The following KIRREL3 variants were observed in gnomAD, a reference collection of about 807,000 sequenced individuals.
KIRREL3 encodes the protein kirre like nephrin family adhesion molecule 3, also known as kin of IRRE-like protein 3.
In KIRREL3, 36 loss-of-function variants were observed where a neutral mutation model predicts 89.7. That is an observed-to-expected ratio of 0.40 (90% CI 0.31 to 0.53). The LOEUF (loss-of-function observed/expected upper bound fraction) is 0.53, where lower values mean the gene tolerates loss of function less well. KIRREL3 is among the 20% of genes least tolerant of loss of function. The pLI is 0.49. For synonymous variants in KIRREL3, 445 were observed against 441.4 expected (o/e 1.01, Z -0.10); for missense variants, 864 against 1,056.6 (o/e 0.82, Z 2.53).
rs374552602 is a variant in KIRREL3 at position 126,562,939 on chromosome 11, T to G, written c.56-27A>C. On this transcript the variant is annotated intron_variant, in intron 1 of 16. Coordinates refer to ENST00000525144, the MANE Select transcript of KIRREL3 (RefSeq NM_032531.4). The surrounding 1 kb of genome is among the most constrained non-coding windows in gnomAD (Gnocchi z 4.7). ...TGGAAGAGAAGCATAGGTGGGTGAGTTGGGAATGGGAACAGGTCAGGCATT... is the reference window on the plus strand; with the variant it reads ...TGGAAGAGAAGCATAGGTGGGTGAGGTGGGAATGGGAACAGGTCAGGCATT... The G allele has an allele frequency of 6.9e-6, 11 of 1,593,858 alleles. No homozygotes were observed. In the African/African-American group the frequency reaches 1.1e-4, roughly 16 times the overall value.
At position 126,587,105 on chromosome 11, in the gene KIRREL3, C is replaced by G. The variant is rs530888309; in HGVS notation, c.56-24193G>C. Among the ~76,000 whole-genome samples the G allele has an allele frequency of 2.6e-5, 4 of 152,198 alleles. No homozygotes were observed. The highest frequency in any genetic ancestry group is 9.6e-5 in the African/African-American group (4 of 41,528). On this transcript the variant is annotated intron_variant, in intron 1 of 16. Coordinates refer to ENST00000525144, the MANE Select transcript of KIRREL3 (RefSeq NM_032531.4). The surrounding 1 kb of genome is among the most constrained non-coding windows in gnomAD (Gnocchi z 5.2). Reference sequence around the variant, plus strand: ...ACGACGATGCAGTGTGATGGATGCTCCAGTGGAAGAGTCCAGAGCACCGGG... The same window carrying G: ...ACGACGATGCAGTGTGATGGATGCTGCAGTGGAAGAGTCCAGAGCACCGGG...
In KIRREL3 at chr11:126,605,318, G is replaced by A. The variant is rs1942840943; in HGVS notation, c.56-42406C>T. ...CTTAATGTAGAGGATCAGGGTCCCA[G>A]TGAGCAGCTTCATCTTCAGGCGTCG... On this transcript the variant is annotated intron_variant, in intron 1 of 16. Coordinates refer to ENST00000525144, the MANE Select transcript of KIRREL3 (RefSeq NM_032531.4). The surrounding 1 kb of genome is among the most constrained non-coding windows in gnomAD (Gnocchi z 5.7). Among the ~76,000 whole-genome samples, 1 of 152,226 alleles carries A rather than the reference G, an allele frequency of 6.6e-6. No individual in the cohort carries two copies. The highest frequency in any genetic ancestry group is 2.4e-5 in the African/African-American group (1 of 41,456).
intron 1 of KIRREL3, among the ~76,000 whole-genome samples, chr11:126,937,509 T>G (rs952354298): frequency 3.3e-5 from 5 of 152,146 alleles, no homozygotes; most frequent in African/African-American, 1.2e-4. Context: ...CTGGAGGAGC[T>G]TTGGAGAAAG....
intron 9 of KIRREL3, among the ~76,000 whole-genome samples, chr11:126,446,443 C>T (rs565176512): frequency 6.6e-6 from 1 of 150,918 alleles, no homozygotes; most frequent in South Asian, 2.1e-4. Flanking sequence ...GTAGCTGGGA[C>T]TACAGGTGTG....
rs1229419049 is a variant in KIRREL3, at chr11:126,923,210, C to A, written c.55+77245G>T. ...TTCTCTTCTTCTTCTTCTTCTTCTT[C>A]TTCTTCTTCTTCTTCTTCTTCTTCT... is the stretch of plus-strand genomic sequence containing the variant. On this transcript the variant is annotated intron_variant, in intron 1 of 16. Coordinates refer to ENST00000525144, the MANE Select transcript of KIRREL3 (RefSeq NM_032531.4). Among the ~76,000 whole-genome samples the A allele has an allele frequency of 3.1e-4, 5 of 16,242 alleles. 1 individual carries two copies. The highest frequency in any genetic ancestry group is 1.8e-3 in the African/African-American group (5 of 2,740). The allele number at this position is 16,242 out of a possible 152,430, so 10.7% of individuals were successfully genotyped here.
Position 126,519,878 on chromosome 11 carries a change from C to G in KIRREL3, c.433+1437G>C, listed in dbSNP as rs887706901. 5.3e-5 allele frequency among the ~76,000 whole-genome samples: 8 copies of G among 152,206 alleles called. No homozygotes were observed. The highest frequency in any genetic ancestry group is 1.9e-4 in the African/African-American group (8 of 41,456). ...GGGAGAAATGAGAACGGCGCTGCTG[C>G]CTTTAATACCCCAATTACTCCTCGG... is the stretch of plus-strand genomic sequence containing the variant. On this transcript the variant is annotated intron_variant, in intron 4 of 16. Coordinates refer to ENST00000525144, the MANE Select transcript of KIRREL3 (RefSeq NM_032531.4). The surrounding 1 kb of genome is among the most constrained non-coding windows in gnomAD (Gnocchi z 4.3).
chr11:126,645,794 A>T lies in KIRREL3; in HGVS notation c.56-82882T>A, dbSNP rs936086785. On this transcript the variant is annotated intron_variant, in intron 1 of 16. Coordinates refer to ENST00000525144, the MANE Select transcript of KIRREL3 (RefSeq NM_032531.4). This position sits in a 1 kb window ranked among gnomAD's most constrained non-coding sequence, Gnocchi z 4.9. Reference sequence around the variant, plus strand: ...TTGGACCACATTTAATTAAATGCCTACATTACTGCTTCCTCACACACCTTA... The same window carrying T: ...TTGGACCACATTTAATTAAATGCCTTCATTACTGCTTCCTCACACACCTTA... 1.3e-5 allele frequency among the ~76,000 whole-genome samples: 2 copies of T among 152,304 alleles called. No homozygotes were observed.
chr11:126,768,170 A>AATCCATCCATCCATCC lies in KIRREL3; in HGVS notation c.56-205274_56-205259dup, dbSNP rs67640196. Among the ~76,000 whole-genome samples, 1 of 79,948 alleles carries AATCCATCCATCCATCC rather than the reference A, an allele frequency of 1.3e-5. No homozygotes were observed. The allele number at this position is 79,948 out of a possible 152,430, so 52.4% of individuals were successfully genotyped here. Reference sequence around the variant, plus strand: ...CATCCATCCATCCATCCATCCATCCAATCCATCCATCCATCCATCCATCCA... The same window carrying AATCCATCCATCCATCC: ...CATCCATCCATCCATCCATCCATCCAATCCATCCATCCATCCATCCATCCATCCATCCATCCATCCA... On this transcript the variant is annotated intron_variant, in intron 1 of 16. Coordinates refer to ENST00000525144, the MANE Select transcript of KIRREL3 (RefSeq NM_032531.4). This position sits in a 1 kb window ranked among gnomAD's most constrained non-coding sequence, Gnocchi z 4.5.
At position 126,651,132 on chromosome 11, in the gene KIRREL3, T is replaced by A. The variant is rs563128104; in HGVS notation, c.56-88220A>T. Among the ~76,000 whole-genome samples, 1 of 152,302 alleles carries A rather than the reference T, an allele frequency of 6.6e-6. No homozygotes were observed. Among genetic ancestry groups the A allele is most frequent in the East Asian group, 1.9e-4 (1 of 5,182 alleles). ...GGAATTATGGGAGTACAATTCAAGATGATATGTGGGTGGGGACACAGCAAA... is the reference window on the plus strand; with the variant it reads ...GGAATTATGGGAGTACAATTCAAGAAGATATGTGGGTGGGGACACAGCAAA... On this transcript the variant is annotated intron_variant, in intron 1 of 16. Coordinates refer to ENST00000525144, the MANE Select transcript of KIRREL3 (RefSeq NM_032531.4). This position sits in a 1 kb window ranked among gnomAD's most constrained non-coding sequence, Gnocchi z 4.6.
rs920553630 is a variant in KIRREL3, at chr11:126,752,606, C to T, written c.56-189694G>A. 6.6e-6 allele frequency among the ~76,000 whole-genome samples: 1 copy of T among 152,134 alleles called. No homozygotes were observed. The highest frequency in any genetic ancestry group is 2.4e-5 in the African/African-American group (1 of 41,430). ...TCTAAGAATCTATAGTTTAGTGACT[C>T]ATTGGCACTCTAATGACTACTATTC... On this transcript the variant is annotated intron_variant, in intron 1 of 16. Transcript: ENST00000525144. This position sits in a 1 kb window ranked among gnomAD's most constrained non-coding sequence, Gnocchi z 4.8.
At position 126,424,739 on chromosome 11, in the gene KIRREL3, C is replaced by A; in HGVS notation, c.2178G>T (p.Gln726His). The A allele has an allele frequency of 6.2e-7, 1 of 1,614,072 alleles. No individual in the cohort carries two copies. Among genetic ancestry groups the A allele is most frequent in the Non-Finnish European group, 8.5e-7 (1 of 1,179,904 alleles). ...LSDSSSFLDT[Q>H]CDSSVSSSGK... is the part of the protein sequence containing the mutation. ...CGCTGCTGCTGACGCTGCTGTCACACTGCGTGTCCAGGAAGGAGCTGCTGT... is the reference window on the plus strand; with the variant it reads ...CGCTGCTGCTGACGCTGCTGTCACAATGCGTGTCCAGGAAGGAGCTGCTGT... Residue 726 changes from glutamine to histidine, a missense_variant, in exon 17 of 17, where the codon CAG becomes CAT. By Grantham distance (24) the Gln-to-His change is conservative. Transcript: ENST00000525144.
At chr11:126,824,583 A>G (rs1943340585) in intron 1 of KIRREL3, among the ~76,000 whole-genome samples, 1 of 152,258 alleles carries the variant, frequency 6.6e-6, no homozygotes. Context: ...TAATGGGGAA[A>G]GGGACGATGT....
At chr11:126,438,738 T>C (rs1480966320) in intron 11 of KIRREL3, among the ~76,000 whole-genome samples, 1 of 152,254 alleles carries the variant, frequency 6.6e-6, no homozygotes, top group East Asian at 1.9e-4. Flanking sequence ...CTTGCAATTT[T>C]TTTGTGAATC....
chr11:126,502,966 T>G (rs1309894110), intron 4 of KIRREL3, among the ~76,000 whole-genome samples: 2 of 152,218 alleles, frequency 1.3e-5, no homozygotes, highest in African/African-American at 4.8e-5. Flanking sequence ...TCGGCCAAGC[T>G]GATTTCTCCC....
chr11:126,449,249 C>G (rs1955937090), intron 7 of KIRREL3, 92 bp from the exon 8 acceptor site: 2 of 1,462,888 alleles, frequency 1.4e-6, no homozygotes, highest in Non-Finnish European at 9.3e-7. Flanking sequence ...AAAATGAGGC[C>G]TGGGTTGTGT....
intron 3 of KIRREL3, among the ~76,000 whole-genome samples, chr11:126,524,477 G>T (rs1350766775): frequency 2.0e-5 from 3 of 152,182 alleles, no homozygotes; most frequent in African/African-American, 7.2e-5. Flanking sequence ...TTGTTTACCT[G>T]TCAAACAAAG....
At position 126,943,785 on chromosome 11, in the gene KIRREL3, G is replaced by T. The variant is rs1020366454; in HGVS notation, c.55+56670C>A. On this transcript the variant is annotated intron_variant, in intron 1 of 16. Coordinates refer to ENST00000525144, the MANE Select transcript of KIRREL3 (RefSeq NM_032531.4). The surrounding 1 kb of genome is among the most constrained non-coding windows in gnomAD (Gnocchi z 4.2). ...ATTTCCCTATGCCCCCTGAGTTTTA[G>T]AGATACCCTATTTGAATGAGAGAAA... Among the ~76,000 whole-genome samples, 1 of 152,174 alleles carries T rather than the reference G, an allele frequency of 6.6e-6. No individual in the cohort carries two copies. The highest frequency in any genetic ancestry group is 1.5e-5 in the Non-Finnish European group (1 of 68,036).
intron 1 of KIRREL3, among the ~76,000 whole-genome samples, chr11:126,907,927 G>A (rs1946652307): frequency 1.3e-5 from 2 of 152,022 alleles, no homozygotes; most frequent in Non-Finnish European, 2.9e-5. Flanking sequence ...TGGGATCTGC[G>A]TGGCTTGCTC....
intron 1 of KIRREL3, among the ~76,000 whole-genome samples, chr11:126,690,989 A>T (rs1245681615): frequency 6.6e-6 from 1 of 152,204 alleles, no homozygotes; most frequent in Non-Finnish European, 1.5e-5. Context: ...GTCTTGATGA[A>T]CAGAAGTTCT....
Sources: gnomAD v4.1 joint callset for allele counts (sites outside exome capture counted in the v4.1 genomes callset) on GRCh38, gnomAD v4.1.1 for gene constraint, Gnocchi (gnomAD v3.1) non-coding constraint, MANE v1.5 for transcripts, NCBI Gene and HGNC (gene_info 2026-07-23, HGNC 2026-07-21) for gene names.